The following SPATA9 variants were observed in gnomAD, a reference collection of about 807,000 sequenced individuals.
SPATA9 encodes the protein spermatogenesis-associated protein 9.
SPATA9 carries 27 observed loss-of-function variants against 25.5 expected under a neutral mutation model. That is an observed-to-expected ratio of 1.06 (90% CI 0.78 to 1.46). SPATA9 has a LOEUF of 1.46. Among genes scored for constraint, SPATA9 ranks in the 40% most tolerant of loss-of-function variants. The pLI is 0.00. For synonymous variants in SPATA9, 102 were observed against 105.7 expected (o/e 0.97, Z 0.21); for missense variants, 282 against 297.5 (o/e 0.95, Z 0.38).
chr5:95,706,065 A>T, the SPATA9 span, among the ~76,000 whole-genome samples: 5 of 152,206 alleles, frequency 3.3e-5, no homozygotes, highest in Non-Finnish European at 5.9e-5. Context: ...TCCCACTCCC[A>T]GCAAAAACAA....
At chr5:95,696,491 C>T (rs1754025317) in intron 1 of SPATA9, among the ~76,000 whole-genome samples, 1 of 152,138 alleles carries the variant, frequency 6.6e-6, no homozygotes, top group African/African-American at 2.4e-5. Flanking sequence ...GAAAATCCTG[C>T]TTCACACAGA....
At chr5:95,713,910 A>G in the SPATA9 span, among the ~76,000 whole-genome samples, 2 of 152,060 alleles carry the variant, frequency 1.3e-5, no homozygotes, top group African/African-American at 2.4e-5. Context: ...ACAAATACAC[A>G]TGTGCATATA....
chr5:95,704,019 A>G, the SPATA9 span, among the ~76,000 whole-genome samples: 8 of 152,142 alleles, frequency 5.3e-5, no homozygotes, highest in Non-Finnish European at 5.9e-5. Context: ...GTGCATGCAG[A>G]TACACAAATA....
intron 2 of SPATA9, among the ~76,000 whole-genome samples, chr5:95,676,448 C>T (rs558935152): frequency 7.4e-4 from 113 of 152,236 alleles, no homozygotes; most frequent in Non-Finnish European, 1.4e-3. Flanking sequence ...TCCATTTGAG[C>T]TCTACTCTTT....
upstream of SPATA9, among the ~76,000 whole-genome samples, chr5:95,685,813 A>G (rs1753728147): frequency 2.6e-5 from 4 of 152,144 alleles, no homozygotes; most frequent in Admixed American, 2.6e-4. Context: ...TCAATTGTCA[A>G]TCCTCAATGA....
At chr5:95,665,229 T>C (rs1006637085) in intron 3 of SPATA9, among the ~76,000 whole-genome samples, 1 of 152,220 alleles carries the variant, frequency 6.6e-6, no homozygotes, top group Admixed American at 6.5e-5. Context: ...AGATCCTCTC[T>C]TCTAGCTATT....
In SPATA9 at chr5:95,673,187, G is replaced by A. The variant is rs561962127; in HGVS notation, c.378+2225C>T. Among the ~76,000 whole-genome samples, 2 of 152,188 alleles carry A rather than the reference G, an allele frequency of 1.3e-5. 1 individual carries two copies. Among genetic ancestry groups the A allele is most frequent in the South Asian group, 4.2e-4 (2 of 4,814 alleles). On this transcript the variant is annotated intron_variant, in intron 3 of 4. Coordinates refer to ENST00000274432, the MANE Select transcript of SPATA9 (RefSeq NM_031952.4). ...AGTGTCCCTATAAAAAGTCCCCAGG[G>A]TCTCCTGATTTCAAGGTTCCTCTCT... is the stretch of plus-strand genomic sequence containing the variant.
intron 1 of SPATA9, among the ~76,000 whole-genome samples, chr5:95,690,696 T>TC (rs1287228138): frequency 6.6e-6 from 1 of 152,166 alleles, no homozygotes; most frequent in Non-Finnish European, 1.5e-5. Flanking sequence ...TATGATATAT[T>TC]CCAGCCAAAA....
chr5:95,685,891 C>T (rs1323046939), upstream of SPATA9, among the ~76,000 whole-genome samples: 1 of 152,180 alleles, frequency 6.6e-6, no homozygotes, highest in Admixed American at 6.5e-5. Flanking sequence ...AGCTGAAATG[C>T]AGTGGCGCGA....
At chr5:95,723,284 G>A in the SPATA9 span, among the ~76,000 whole-genome samples, 1 of 152,178 alleles carries the variant, frequency 6.6e-6, no homozygotes, top group Non-Finnish European at 1.5e-5. Flanking sequence ...GGCCACATGC[G>A]GCCCTTAGGC....
chr5:95,671,024 G>T, intron 3 of SPATA9: 1 of 322,718 alleles, frequency 3.1e-6, no homozygotes, highest in Non-Finnish European at 4.5e-6. Context: ...TGGAACCTCT[G>T]ACCTGGGACT....
At chr5:95,698,426 A>T (rs1416399656) in intron 1 of SPATA9, among the ~76,000 whole-genome samples, 1 of 152,104 alleles carries the variant, frequency 6.6e-6, no homozygotes, top group Non-Finnish European at 1.5e-5. Context: ...TGTCAGGCAG[A>T]CTCCTAGACG....
chr5:95,656,252 G>C (rs746838760), downstream of SPATA9: 7 of 1,613,428 alleles, frequency 4.3e-6, no homozygotes, highest in South Asian at 7.7e-5. Flanking sequence ...AACCTTTTAA[G>C]TGTGACTCTG....
At chr5:95,727,783 C>G in the SPATA9 span, among the ~76,000 whole-genome samples, 1 of 152,220 alleles carries the variant, frequency 6.6e-6, no homozygotes, top group Admixed American at 6.5e-5. Context: ...AATGGACCAT[C>G]TGTGATATTC....
the SPATA9 span, among the ~76,000 whole-genome samples, chr5:95,727,525 T>C: frequency 1.3e-5 from 2 of 152,238 alleles, no homozygotes; most frequent in Non-Finnish European, 2.9e-5. Context: ...AATGGTGGCA[T>C]TTCAGCCACT....
At chr5:95,708,720 G>T in the SPATA9 span, 1 of 684,224 alleles carries the variant, frequency 1.5e-6, no homozygotes, top group Non-Finnish European at 2.7e-6. Context: ...TGACCGGTAA[G>T]TTGTGTTGTT....
the SPATA9 span, among the ~76,000 whole-genome samples, chr5:95,714,700 A>G: frequency 1.3e-4 from 20 of 150,856 alleles, no homozygotes; most frequent in Non-Finnish European, 1.9e-4. Flanking sequence ...AGAATTAATA[A>G]TGGGACTTAG....
intron 4 of SPATA9, among the ~76,000 whole-genome samples, chr5:95,660,903 C>G (rs1751196704): frequency 6.6e-6 from 1 of 152,120 alleles, no homozygotes; most frequent in Non-Finnish European, 1.5e-5. Context: ...ATCTTCCATC[C>G]TAATATTTAA....
chr5:95,661,607 C>G (rs1751274074), intron 4 of SPATA9, among the ~76,000 whole-genome samples: 1 of 152,082 alleles, frequency 6.6e-6, no homozygotes, highest in Admixed American at 6.6e-5. Flanking sequence ...TATTTACATC[C>G]TAGCTTAGTT....
Sources: allele counts gnomAD v4.1 joint callset (sites outside exome capture counted in the v4.1 genomes callset), GRCh38; gene constraint gnomAD v4.1.1; transcripts MANE v1.5; gene names NCBI Gene and HGNC (gene_info 2026-07-23, HGNC 2026-07-21).